COMMD1: variants seen among roughly 807,000 people sequenced by gnomAD.
COMMD1 encodes the protein copper metabolism domain containing 1.
A neutral mutation model predicts 17.2 loss-of-function variants in COMMD1; 10 were observed. The observed-to-expected ratio is 0.58, with a 90% CI of 0.36 to 0.99. The LOEUF (loss-of-function observed/expected upper bound fraction) is 0.99. Among genes scored for constraint, COMMD1 ranks in the 50% least tolerant of loss-of-function variants. The pLI is 0.01. For missense variants in COMMD1, 270 were observed against 231.8 expected (o/e 1.17, Z -1.07); for synonymous variants, 97 against 91.6 (o/e 1.06, Z -0.34).
At chr2:62,111,509 T>G (rs1573199195) in intron 2 of COMMD1, among the ~76,000 whole-genome samples, 2 of 152,222 alleles carry the variant, frequency 1.3e-5, no homozygotes, top group Admixed American at 1.3e-4. Flanking sequence ...TTGGCCTGTC[T>G]GTATAGCATT....
At chr2:61,985,147 T>G (rs1165018963) in intron 1 of COMMD1, among the ~76,000 whole-genome samples, 6 of 151,806 alleles carry the variant, frequency 4.0e-5, no homozygotes, top group Non-Finnish European at 8.8e-5. Context: ...GCCTCCCAGG[T>G]TAATGCCATT....
At chr2:62,125,178 T>C (rs1672854235) in intron 2 of COMMD1, among the ~76,000 whole-genome samples, 1 of 152,204 alleles carries the variant, frequency 6.6e-6, no homozygotes, top group Non-Finnish European at 1.5e-5. Flanking sequence ...TTCTAGGAGA[T>C]TGTGAGAATA....
chr2:61,953,605 GTCAA>G lies in COMMD1; in HGVS notation c.181-47093_181-47090del, dbSNP rs1393637525. Among the ~76,000 whole-genome samples, 3 of 151,912 alleles carry G rather than the reference GTCAA, an allele frequency of 2.0e-5. No homozygotes were observed. The East Asian group carries it at 5.8e-4, about 30-fold the overall frequency. ...GGCTGGTCTTGAACACCTGAGCTCAGTCAATCTGCCCACCTCGGCTTCCCAAAGT... is the reference window on the plus strand; with the variant it reads ...GGCTGGTCTTGAACACCTGAGCTCAGTCTGCCCACCTCGGCTTCCCAAAGT... On this transcript the variant is annotated intron_variant, in intron 1 of 2. Coordinates refer to ENST00000311832, the MANE Select transcript of COMMD1 (RefSeq NM_152516.4).
At chr2:61,914,485 A>G (rs1298472736) in intron 1 of COMMD1, among the ~76,000 whole-genome samples, 3 of 151,292 alleles carry the variant, frequency 2.0e-5, no homozygotes, top group African/African-American at 2.4e-5. Context: ...AGGCAGGAGA[A>G]TTGCTTGAAC....
intron 1 of COMMD1, among the ~76,000 whole-genome samples, chr2:61,963,851 C>G (rs1163121261): frequency 6.6e-6 from 1 of 152,164 alleles, no homozygotes; most frequent in African/African-American, 2.4e-5. Flanking sequence ...TGCACTTTAC[C>G]TACCAGTTTT....
chr2:62,022,245 A>G (rs967285122), intron 2 of COMMD1, among the ~76,000 whole-genome samples: 1 of 152,102 alleles, frequency 6.6e-6, no homozygotes, highest in African/African-American at 2.4e-5. Context: ...ATCGTATACA[A>G]TACAGGTTTT....
chr2:61,947,716 CTTT>C (rs543333587), intron 1 of COMMD1, among the ~76,000 whole-genome samples: 7 of 132,214 alleles, frequency 5.3e-5, no homozygotes, highest in Admixed American at 7.6e-5. Context: ...TTTTTTTGTA[CTTT>C]TTTTTTTTTT....
At chr2:61,964,347 A>C (rs1671450168) in intron 1 of COMMD1, among the ~76,000 whole-genome samples, 1 of 151,982 alleles carries the variant, frequency 6.6e-6, no homozygotes, top group Admixed American at 6.6e-5. Context: ...CATACTCTCT[A>C]GTAACTGGGA....
intron 1 of COMMD1, among the ~76,000 whole-genome samples, chr2:61,954,938 G>T (rs1332961632): frequency 6.6e-6 from 1 of 152,132 alleles, no homozygotes; most frequent in East Asian, 1.9e-4. Flanking sequence ...GCCTTCCAAA[G>T]TGCTGGGATT....
intron 1 of COMMD1, among the ~76,000 whole-genome samples, chr2:61,935,616 A>C (rs1670587734): frequency 6.6e-6 from 1 of 151,328 alleles, no homozygotes; most frequent in Non-Finnish European, 1.5e-5. Flanking sequence ...TGGGCGACAG[A>C]GCAAGACTCT....
chr2:61,902,758 TAACTTG>T (rs201072692), upstream of COMMD1, among the ~76,000 whole-genome samples: 61 of 152,166 alleles, frequency 4.0e-4, no homozygotes, highest in East Asian at 8.3e-3. Context: ...GATCGGAGGA[TAACTTG>T]GGCCTGGGAG....
chr2:62,133,949 G>T (rs1330619712), intron 2 of COMMD1, among the ~76,000 whole-genome samples: 3 of 152,058 alleles, frequency 2.0e-5, no homozygotes, highest in Non-Finnish European at 2.9e-5. Context: ...GCACCACCAT[G>T]TCTGGCTTTT....
rs756118056 is a variant in COMMD1 at position 61,913,816 on chromosome 2, A to AAAAAAAAAAAG, written c.180+7959_180+7960insAAAAAAAAAGA. ...ATCTCCAAAAAAAAAAAAAAAAAAA[A>AAAAAAAAAAAG]AGAAAAGTGTGTTAACCTCTGTTCC... On this transcript the variant is annotated intron_variant, in intron 1 of 2. Transcript: ENST00000311832. Among the ~76,000 whole-genome samples, 44 of 100,182 alleles carry AAAAAAAAAAAG rather than the reference A, an allele frequency of 4.4e-4. 6 individuals carry two copies. Among genetic ancestry groups the AAAAAAAAAAAG allele is most frequent in the South Asian group, 6.9e-4 (2 of 2,898 alleles). 65.7% of individuals were successfully genotyped at this position (100,182 alleles called of 152,430 possible).
chr2:62,073,762 G>A (rs566272498), intron 2 of COMMD1, among the ~76,000 whole-genome samples: 77 of 152,154 alleles, frequency 5.1e-4, no homozygotes, highest in African/African-American at 1.7e-3. Flanking sequence ...GCAGTGGTGC[G>A]ATCTCGGCTC....
chr2:61,889,701 A>G (rs1451494121), intron 1 of COMMD1, among the ~76,000 whole-genome samples: 1 of 152,074 alleles, frequency 6.6e-6, no homozygotes, highest in Non-Finnish European at 1.5e-5. Flanking sequence ...GTTATCTCGT[A>G]TTGGTTGATA....
At chr2:61,926,844 C>T (rs759393284) in intron 1 of COMMD1, among the ~76,000 whole-genome samples, 3 of 152,076 alleles carry the variant, frequency 2.0e-5, no homozygotes, top group South Asian at 4.1e-4. Flanking sequence ...GTTCACAAAA[C>T]CTCCTTTGGA....
At chr2:61,908,736 T>G (rs1018145370) in intron 1 of COMMD1, among the ~76,000 whole-genome samples, 1 of 151,430 alleles carries the variant, frequency 6.6e-6, no homozygotes, top group Non-Finnish European at 1.5e-5. Flanking sequence ...ATTTTTTTGT[T>G]TTTTTGTTTT....
chr2:61,894,649 A>T (rs914323128), intron 1 of COMMD1, among the ~76,000 whole-genome samples: 2 of 150,752 alleles, frequency 1.3e-5, no homozygotes, highest in Non-Finnish European at 3.0e-5. Context: ...AAGCTAAATT[A>T]AAAAAAATAG....
chr2:61,905,560 G>A, upstream of COMMD1: 1 of 1,006,620 alleles, frequency 9.9e-7, no homozygotes, highest in Non-Finnish European at 1.4e-6. Context: ...CCCTGGGGAA[G>A]CCTTGCCTCC....
Sources: gnomAD v4.1 joint callset for allele counts (sites outside exome capture counted in the v4.1 genomes callset) on GRCh38, gnomAD v4.1.1 for gene constraint, MANE v1.5 for transcripts, NCBI Gene and HGNC (gene_info 2026-07-23, HGNC 2026-07-21) for gene names.